The following HEMK2 variants were observed in gnomAD, a reference collection of about 807,000 sequenced individuals.
HEMK2 encodes the protein methyltransferase HEMK2.
At chr21:28,712,723 G>A in the HEMK2 span, among the ~76,000 whole-genome samples, 194 of 152,310 alleles carry the variant, frequency 1.3e-3, 1 homozygote, top group African/African-American at 4.3e-3. Context: ...AGACATTGGG[G>A]AAGAGAATAA....
the HEMK2 span, among the ~76,000 whole-genome samples, chr21:28,710,848 T>G: frequency 6.6e-6 from 1 of 152,192 alleles, no homozygotes; most frequent in Non-Finnish European, 1.5e-5. Flanking sequence ...TAAATGAAGA[T>G]CCCACCCAAA....
the HEMK2 span, among the ~76,000 whole-genome samples, chr21:28,696,026 G>A: frequency 6.6e-6 from 1 of 152,028 alleles, no homozygotes; most frequent in Admixed American, 6.6e-5. Context: ...TGGCTGAGGA[G>A]GCCCCACAAT....
the HEMK2 span, among the ~76,000 whole-genome samples, chr21:28,602,262 CAAT>C: frequency 6.6e-6 from 1 of 152,038 alleles, no homozygotes; most frequent in Non-Finnish European, 1.5e-5. Flanking sequence ...GGAGCACCTA[CAAT>C]GTGCTTATTT....
At chr21:28,865,259 G>A in the HEMK2 span, among the ~76,000 whole-genome samples, 30 of 152,138 alleles carry the variant, frequency 2.0e-4, 1 homozygote, top group Admixed American at 1.9e-3. Context: ...TCCGCCTCCT[G>A]GGTTCAAGTG....
At chr21:28,595,875 C>T in the HEMK2 span, among the ~76,000 whole-genome samples, 4 of 151,686 alleles carry the variant, frequency 2.6e-5, no homozygotes, top group East Asian at 1.9e-4. Flanking sequence ...AGCTCTGCCT[C>T]GCAGGTTCAT....
the HEMK2 span, among the ~76,000 whole-genome samples, chr21:28,824,939 T>G: frequency 6.6e-6 from 1 of 152,196 alleles, no homozygotes; most frequent in Non-Finnish European, 1.5e-5. Context: ...TGTTCTCAGT[T>G]TTAGTACTGA....
chr21:28,729,507 T>G, the HEMK2 span, among the ~76,000 whole-genome samples: 84,359 of 151,912 alleles, frequency 0.56, 26,403 homozygotes, highest in African/African-American at 0.85. Context: ...GGATCCCAAC[T>G]ATTTCACTTG....
chr21:28,576,641 G>A, the HEMK2 span, among the ~76,000 whole-genome samples: 10 of 152,176 alleles, frequency 6.6e-5, no homozygotes, highest in Admixed American at 3.3e-4. Context: ...TTTGTGCCAT[G>A]ATTATGAAGA....
At chr21:28,756,150 C>T in the HEMK2 span, among the ~76,000 whole-genome samples, 12 of 152,258 alleles carry the variant, frequency 7.9e-5, no homozygotes, top group East Asian at 5.8e-4. Flanking sequence ...TTTGTTTTTC[C>T]GAGCAACAGG....
chr21:28,779,298 A>C, the HEMK2 span, among the ~76,000 whole-genome samples: 1 of 152,216 alleles, frequency 6.6e-6, no homozygotes, highest in Admixed American at 6.5e-5. Context: ...AAAATAAGGA[A>C]ATTCTGTCAT....
chr21:28,876,294 G>T, the HEMK2 span: 3 of 834,538 alleles, frequency 3.6e-6, no homozygotes, highest in Non-Finnish European at 5.4e-6. Context: ...ACAAATTTCT[G>T]ATAAAATTCC....
the HEMK2 span, among the ~76,000 whole-genome samples, chr21:28,773,257 C>A: frequency 6.6e-6 from 1 of 152,150 alleles, no homozygotes; most frequent in Non-Finnish European, 1.5e-5. Flanking sequence ...CCTGGTTTGG[C>A]TGATTGCAGG....
chr21:28,644,426 A>G, the HEMK2 span, among the ~76,000 whole-genome samples: 1 of 152,136 alleles, frequency 6.6e-6, no homozygotes, highest in East Asian at 1.9e-4. Flanking sequence ...CAGCAAAACC[A>G]TATCACCCAC....
At chr21:28,884,695 G>T in the HEMK2 span, among the ~76,000 whole-genome samples, 1 of 152,156 alleles carries the variant, frequency 6.6e-6, no homozygotes. Flanking sequence ...AGCCACATGT[G>T]AGGACTGGCT....
At chr21:28,632,790 C>A in the HEMK2 span, among the ~76,000 whole-genome samples, 1 of 152,162 alleles carries the variant, frequency 6.6e-6, no homozygotes, top group South Asian at 2.1e-4. Flanking sequence ...ATGACAGTAG[C>A]TAAAAGAAAA....
chr21:28,746,040 C>T, the HEMK2 span, among the ~76,000 whole-genome samples: 7 of 152,162 alleles, frequency 4.6e-5, no homozygotes, highest in African/African-American at 9.7e-5. Flanking sequence ...AATCTTGTAA[C>T]ATATTTTATT....
the HEMK2 span, among the ~76,000 whole-genome samples, chr21:28,609,871 T>G: frequency 1.3e-5 from 2 of 152,036 alleles, no homozygotes; most frequent in African/African-American, 4.8e-5. Flanking sequence ...ACAAAAAATT[T>G]TTTTAAAGAA....
the HEMK2 span, among the ~76,000 whole-genome samples, chr21:28,780,660 T>C: frequency 1.3e-5 from 2 of 152,214 alleles, no homozygotes; most frequent in African/African-American, 2.4e-5. Flanking sequence ...GGGACCACCA[T>C]AATAGTGAAC....
At chr21:28,593,895 T>C in the HEMK2 span, among the ~76,000 whole-genome samples, 1 of 152,196 alleles carries the variant, frequency 6.6e-6, no homozygotes, top group Non-Finnish European at 1.5e-5. Flanking sequence ...GCATCATTCA[T>C]AGTGACTTCC....
Sources: allele counts gnomAD v4.1 joint callset (sites outside exome capture counted in the v4.1 genomes callset), GRCh38; gene constraint gnomAD v4.1.1; transcripts MANE v1.5; gene names NCBI Gene and HGNC (gene_info 2026-07-23, HGNC 2026-07-21).